ZNF91: variants seen among roughly 807,000 people sequenced by gnomAD.
ZNF91 encodes zinc finger protein 91 (HPF7, HTF10).
ZNF91 carries 7 observed loss-of-function variants against 12.6 expected under a neutral mutation model. That is an observed-to-expected ratio of 0.55 (90% CI 0.31 to 1.04). The LOEUF is 1.04. Among genes scored for constraint, ZNF91 ranks in the 50% least tolerant of loss-of-function variants. The pLI is 0.05. For missense variants in ZNF91, 1,217 were observed against 1,385.4 expected, an observed-to-expected ratio of 0.88 and a Z score of 1.93; for synonymous variants, 453 against 462.6, an observed-to-expected ratio of 0.98 and a Z score of 0.27.
At chr19:23,342,037 T>C in intron 3 of ZNF91, 1 of 305,890 alleles carries the variant, frequency 3.3e-6, no homozygotes, top group East Asian at 4.8e-5. Context: ...ATTTGGGAGC[T>C]AGAGAAATAA....
intron 1 of ZNF91, among the ~76,000 whole-genome samples, chr19:23,376,741 T>A (rs1012355524): frequency 3.9e-5 from 6 of 151,974 alleles, no homozygotes; most frequent in African/African-American, 1.5e-4. Flanking sequence ...GGAGAAAAAA[T>A]ACAGGTACAG....
At chr19:23,362,840 C>A in intron 3 of ZNF91, 115 bp from the exon 4 acceptor site, 1 of 1,239,356 alleles carries the variant, frequency 8.1e-7, no homozygotes, top group South Asian at 3.4e-5. Context: ...TATGGCACTG[C>A]AAAATACCAC....
chr19:23,335,937 T>G (rs1338043220), downstream of ZNF91, among the ~76,000 whole-genome samples: 1 of 152,190 alleles, frequency 6.6e-6, no homozygotes, highest in Non-Finnish European at 1.5e-5. Context: ...CTGTTCCTAT[T>G]CGGCCATCTT....
chr19:23,335,159 T>C (rs1967983394), downstream of ZNF91, among the ~76,000 whole-genome samples: 1 of 152,134 alleles, frequency 6.6e-6, no homozygotes, highest in South Asian at 2.1e-4. Context: ...GAACAGCAAA[T>C]GTTGCTGCCT....
intron 1 of ZNF91, among the ~76,000 whole-genome samples, chr19:23,375,163 ATTT>A (rs377328598): frequency 1.4e-5 from 2 of 146,144 alleles, no homozygotes; most frequent in African/African-American, 2.5e-5. Flanking sequence ...ACCACTCAAA[ATTT>A]TTTTTTTTTT....
chr19:23,327,798 T>C (rs975577818), intron 1 of ZNF91: 11 of 152,200 alleles, frequency 7.2e-5, no homozygotes, highest in Admixed American at 6.5e-5. Flanking sequence ...TGTGATTTGG[T>C]TGGTTAAATC....
At chr19:23,384,837 CA>C in intron 1 of ZNF91, 3 of 716,930 alleles carry the variant, frequency 4.2e-6, no homozygotes, top group South Asian at 1.5e-5. Context: ...CCTCAGTGGT[CA>C]AAAATACCAT....
intron 3 of ZNF91, among the ~76,000 whole-genome samples, chr19:23,352,207 T>A (rs1968382917): frequency 6.6e-6 from 1 of 152,070 alleles, no homozygotes; most frequent in Non-Finnish European, 1.5e-5. Flanking sequence ...GGGGGCAAAG[T>A]GAAAGTGAGA....
At chr19:23,353,117 A>G (rs1968407805), downstream of ZNF91, among the ~76,000 whole-genome samples, 1 of 152,206 alleles carries the variant, frequency 6.6e-6, no homozygotes, top group African/African-American at 2.4e-5. Context: ...GACTTAACAG[A>G]TATTAGAAAA....
intron 1 of ZNF91, among the ~76,000 whole-genome samples, chr19:23,393,859 A>G (rs1290035993): frequency 6.6e-6 from 1 of 152,006 alleles, no homozygotes; most frequent in African/African-American, 2.4e-5. Flanking sequence ...AATTAGCCAG[A>G]CGTGGTCGTG....
intron 2 of ZNF91, 28 bp from the exon 3 acceptor site, chr19:23,373,865 G>T (rs1969396519): frequency 1.3e-6 from 2 of 1,546,314 alleles, no homozygotes; most frequent in Non-Finnish European, 1.8e-6. Context: ...ACTAACATGA[G>T]TCTTGCTCAT....
At chr19:23,309,257 T>C (rs1379245700) in intron 1 of ZNF91, among the ~76,000 whole-genome samples, 1 of 152,184 alleles carries the variant, frequency 6.6e-6, no homozygotes, top group Non-Finnish European at 1.5e-5. Flanking sequence ...GCCTGGGCGA[T>C]GACCACCAGA....
rs545902331 is a variant in ZNF91, at chr19:23,349,354, C to T, written c.254-10300G>A. On this transcript the variant is annotated intron_variant, in intron 3 of 3. Coordinates refer to the ZNF91 transcript ENST00000599743. ...CAGCTGTAAAATTTCTCTCTTTATA[C>T]TCTTTCCCTTTATTTCTCAGACCAG... Among the ~76,000 whole-genome samples, 388 of 152,254 alleles carry T rather than the reference C, an allele frequency of 2.5e-3. 2 individuals are homozygous for T. Among genetic ancestry groups the T allele is most frequent in the African/African-American group, 9.1e-3 (378 of 41,542 alleles).
At chr19:23,334,589 C>A (rs1174878460), downstream of ZNF91, among the ~76,000 whole-genome samples, 1 of 152,162 alleles carries the variant, frequency 6.6e-6, no homozygotes, top group Non-Finnish European at 1.5e-5. Context: ...TTCCACAAAT[C>A]AAATTCAATT....
chr19:23,361,535 T>C lies in ZNF91; in HGVS notation c.1444A>G (p.Arg482Gly). 1 of 1,613,742 alleles carries C rather than the reference T, an allele frequency of 6.2e-7. No homozygotes were observed. The highest frequency in any genetic ancestry group is 1.7e-4 in the Middle Eastern group (1 of 6,056). Residue 482 changes from arginine (R) to glycine (G), a missense_variant, in exon 4 of 4, where the codon AGG becomes GGG. This residue lies in a region of ZNF91 where 726 missense variants were observed against 895.5 expected (regional missense o/e 0.81). Coordinates refer to ENST00000300619, the MANE Select transcript of ZNF91 (RefSeq NM_003430.4). ...IWSSTLTRHK[R>G]IHTGEKPYKC... ...TAGGGCTTCTCTCCAGTGTGTATCCTCTTATGTCTAGTTAGGGTTGAAGAC... is the reference window on the plus strand; with the variant it reads ...TAGGGCTTCTCTCCAGTGTGTATCCCCTTATGTCTAGTTAGGGTTGAAGAC...
At chr19:23,378,806 TA>T (rs1251088958) in intron 1 of ZNF91, among the ~76,000 whole-genome samples, 1 of 152,214 alleles carries the variant, frequency 6.6e-6, no homozygotes, top group Non-Finnish European at 1.5e-5. Flanking sequence ...TAGTCTAGAC[TA>T]AAAGTTCTTG....
intron 3 of ZNF91, among the ~76,000 whole-genome samples, chr19:23,305,891 A>G (rs1967390923): frequency 6.6e-6 from 1 of 152,232 alleles, no homozygotes. Flanking sequence ...CTGAAAGTGA[A>G]GCTTTGTCTA....
intron 1 of ZNF91, among the ~76,000 whole-genome samples, chr19:23,333,305 G>A (rs2145873103): frequency 6.6e-6 from 1 of 152,308 alleles, no homozygotes; most frequent in Middle Eastern, 3.4e-3. Context: ...ACATATTATA[G>A]AAACTCAAGG....
At chr19:23,356,095 T>G (rs188538208), downstream of ZNF91, among the ~76,000 whole-genome samples, 2 of 152,072 alleles carry the variant, frequency 1.3e-5, no homozygotes, top group Non-Finnish European at 2.9e-5. Flanking sequence ...TAAATGCATA[T>G]GGAAAACAGT....
Sources: gnomAD v4.1 joint callset for allele counts (sites outside exome capture counted in the v4.1 genomes callset) on GRCh38, gnomAD v4.1.1 for gene constraint, gnomAD v4.1.1 regional missense constraint, MANE v1.5 for transcripts, NCBI Gene and HGNC (gene_info 2026-07-23, HGNC 2026-07-21) for gene names.